Variants in ARMH4 observed in about 807,000 individuals in gnomAD.
ARMH4 encodes armadillo-like helical domain-containing protein 4.
A neutral mutation model predicts 61.9 loss-of-function variants in ARMH4; 49 were observed. The ratio of observed to expected loss-of-function variants is 0.79; its 90% CI spans 0.63 to 1.00. ARMH4 has a LOEUF of 1.00. Ranked by LOEUF, ARMH4 falls within the 50% of genes least tolerant of loss-of-function variation. The pLI is 0.00. For synonymous variants in ARMH4, 368 were observed against 341.5 expected, an observed-to-expected ratio of 1.08 and a Z score of -0.85; for missense variants, 934 against 930.0, an observed-to-expected ratio of 1.00 and a Z score of -0.06.
intron 6 of ARMH4, among the ~76,000 whole-genome samples, chr14:58,010,892 T>C (rs1416760621): frequency 6.6e-6 from 1 of 151,996 alleles, no homozygotes; most frequent in Non-Finnish European, 1.5e-5. Context: ...ATGGAAACAA[T>C]GATATATGAA....
At chr14:58,148,365 G>A (rs934672510) in intron 1 of ARMH4, among the ~76,000 whole-genome samples, 1 of 152,170 alleles carries the variant, frequency 6.6e-6, no homozygotes, top group Non-Finnish European at 1.5e-5. Context: ...CAAGTTTTGA[G>A]AATGACACTG....
intron 6 of ARMH4, among the ~76,000 whole-genome samples, chr14:58,007,991 A>G (rs1882244889): frequency 6.6e-6 from 1 of 152,224 alleles, no homozygotes. Flanking sequence ...AAACATGACA[A>G]CTAAATGTGT....
At chr14:58,132,637 G>C (rs898968821) in intron 3 of ARMH4, among the ~76,000 whole-genome samples, 10 of 132,150 alleles carry the variant, frequency 7.6e-5, no homozygotes, top group African/African-American at 2.5e-4. Context: ...CCAAGCCGGA[G>C]TGCAGTGGCG....
chr14:58,125,087 T>G (rs945509145), intron 4 of ARMH4, among the ~76,000 whole-genome samples: 1 of 151,952 alleles, frequency 6.6e-6, no homozygotes, highest in Non-Finnish European at 1.5e-5. Context: ...AGTCTTACAC[T>G]GCCGGGGTCA....
Position 58,138,256 on chromosome 14 carries a change from C to A in ARMH4, c.1103G>T (p.Gly368Val). The change falls in exon 2 of 8, where the codon GGG becomes GTG. Residue 368 changes from glycine (G) to valine (V), a missense_variant. Gly to Val is a moderately radical substitution (Grantham distance 109, BLOSUM62 -3). Coordinates refer to ENST00000267485, the MANE Select transcript of ARMH4 (RefSeq NM_001001872.4). ...PWTEAAQVAL[G>V]LPEGETHTGT... Reference sequence around the variant, plus strand: ...CGTGTGTGTTTCCCCTTCAGGCAGCCCCAGAGCCACCTGTGCAGCCTCTGT... The same window carrying A: ...CGTGTGTGTTTCCCCTTCAGGCAGCACCAGAGCCACCTGTGCAGCCTCTGT... 1 of 1,614,230 alleles carries A rather than the reference C, an allele frequency of 6.2e-7. No homozygotes were observed. The highest frequency in any genetic ancestry group is 8.5e-7 in the Non-Finnish European group (1 of 1,180,042).
rs1380604464 is a variant in ARMH4 at position 58,096,872 on chromosome 14, C to T, written c.1941G>A (p.Leu647=). ...AACCTGGCAGCTCAGTGTCACCATC[C>T]AAGCCCTCATCCAGCGAGTCTGCAT... The part of the protein sequence containing the change: ...DKDADSLDEG[L]DGDTELPGFT... Residue 647 remains leucine (L), a synonymous_variant, in exon 5 of 8, where the codon TTG becomes TTA. Transcript: ENST00000267485. The T allele has an allele frequency of 1.2e-6, 2 of 1,614,112 alleles. No homozygotes were observed. The highest frequency in any genetic ancestry group is 3.3e-5 in the Admixed American group (2 of 60,018).
At chr14:58,086,654 G>T (rs562137118) in intron 5 of ARMH4, among the ~76,000 whole-genome samples, 1 of 152,062 alleles carries the variant, frequency 6.6e-6, no homozygotes, top group Non-Finnish European at 1.5e-5. Context: ...CCAGAATGGC[G>T]ATCAGCTGGA....
chr14:58,133,296 G>A lies in ARMH4; in HGVS notation c.1415C>T (p.Ala472Val), dbSNP rs1566596623. Residue 472 changes from alanine to valine, a missense_variant, in exon 3 of 8, where the codon GCC becomes GTC. Ala to Val is a moderately conservative substitution (Grantham distance 64, BLOSUM62 0). Coordinates refer to ENST00000267485, the MANE Select transcript of ARMH4 (RefSeq NM_001001872.4). Reference sequence around the variant, plus strand: ...CTCTTGTGTCACCATGGATAAAGTGGCATCTGGCTCTTGAACAGCTGTTGT... The same window carrying A: ...CTCTTGTGTCACCATGGATAAAGTGACATCTGGCTCTTGAACAGCTGTTGT... Reference protein sequence around the residue: ...EMTTAVQEPDATLSMVTQEQV... With the variant: ...EMTTAVQEPDVTLSMVTQEQV... The A allele has an allele frequency of 6.2e-7, 1 of 1,613,952 alleles. No individual in the cohort carries two copies.
chr14:58,141,506 G>A, intron 1 of ARMH4: 1 of 537,788 alleles, frequency 1.9e-6, no homozygotes, highest in Non-Finnish European at 3.8e-6. Context: ...CTGCGAGGTG[G>A]CATTACTGAG....
chr14:58,137,354 G>C (rs1887337207), intron 2 of ARMH4, among the ~76,000 whole-genome samples: 1 of 152,134 alleles, frequency 6.6e-6, no homozygotes, highest in Non-Finnish European at 1.5e-5. Context: ...CCCAGTTAAA[G>C]AACACTGGTC....
chr14:58,091,093 T>C (rs1885548550), intron 5 of ARMH4, among the ~76,000 whole-genome samples: 1 of 151,098 alleles, frequency 6.6e-6, no homozygotes, highest in Non-Finnish European at 1.5e-5. Flanking sequence ...ATGCCTGTAA[T>C]CCCAGCTACT....
At chr14:58,151,565 G>A (rs1887922615) in intron 1 of ARMH4, among the ~76,000 whole-genome samples, 3 of 152,192 alleles carry the variant, frequency 2.0e-5, no homozygotes, top group African/African-American at 7.2e-5. Context: ...AAAGTGGCAG[G>A]ACATATTTCG....
chr14:58,018,960 T>C (rs1882714858), intron 5 of ARMH4, among the ~76,000 whole-genome samples: 1 of 152,178 alleles, frequency 6.6e-6, no homozygotes, highest in Admixed American at 6.5e-5. Flanking sequence ...TAAAATCTTA[T>C]CATTTGCAGC....
intron 5 of ARMH4, among the ~76,000 whole-genome samples, chr14:58,014,817 A>G (rs1882544728): frequency 6.6e-6 from 1 of 152,216 alleles, no homozygotes; most frequent in South Asian, 2.1e-4. Flanking sequence ...AGTGAAGAAC[A>G]GAGGAGGAAA....
At chr14:58,013,754 T>C (rs12892041) in intron 5 of ARMH4, among the ~76,000 whole-genome samples, 24,675 of 152,014 alleles carry the variant, frequency 0.16, 2,651 homozygotes, top group East Asian at 0.48. Context: ...TAAGGTGTCA[T>C]TGGGGCCGAG....
chr14:58,108,019 G>A (rs1478763950), intron 4 of ARMH4, among the ~76,000 whole-genome samples: 2 of 152,122 alleles, frequency 1.3e-5, no homozygotes, highest in African/African-American at 2.4e-5. Flanking sequence ...AGTGACTGAA[G>A]CCCTAGAAAT....
chr14:58,124,137 G>C (rs1404564453), intron 4 of ARMH4, among the ~76,000 whole-genome samples: 1 of 152,110 alleles, frequency 6.6e-6, no homozygotes, highest in African/African-American at 2.4e-5. Flanking sequence ...AAAATAGCCA[G>C]ACCATTATAT....
chr14:58,069,562 C>A (rs1185178356), intron 5 of ARMH4, among the ~76,000 whole-genome samples: 1 of 152,098 alleles, frequency 6.6e-6, no homozygotes, highest in Non-Finnish European at 1.5e-5. Flanking sequence ...ACATAGAGAT[C>A]TGGATATGCA....
intron 5 of ARMH4, among the ~76,000 whole-genome samples, chr14:58,072,103 T>G (rs1317609198): frequency 6.6e-6 from 1 of 152,246 alleles, no homozygotes; most frequent in Non-Finnish European, 1.5e-5. Flanking sequence ...TTTAATTGCC[T>G]GTCTCCCCAC....
Sources: gnomAD v4.1 joint callset for allele counts (sites outside exome capture counted in the v4.1 genomes callset) on GRCh38, gnomAD v4.1.1 for gene constraint, MANE v1.5 for transcripts, NCBI Gene and HGNC (gene_info 2026-07-23, HGNC 2026-07-21) for gene names.